Variants in NRIP1 observed in about 807,000 individuals in gnomAD.
NRIP1 encodes the protein nuclear receptor-interacting protein 1.
NRIP1 carries 28 observed loss-of-function variants against 75.0 expected under a neutral mutation model. The observed-to-expected ratio is 0.37, with a 90% CI of 0.28 to 0.51. NRIP1 has a LOEUF of 0.51. Among genes scored for constraint, NRIP1 ranks in the 20% least tolerant of loss-of-function variants. NRIP1 has a pLI of 0.92. For missense variants in NRIP1, 1,435 were observed against 1,343.7 expected, an observed-to-expected ratio of 1.07 and a Z score of -1.06; for synonymous variants, 526 against 487.6, an observed-to-expected ratio of 1.08 and a Z score of -1.04.
chr21:15,007,952 A>C (rs558117515), intron 3 of NRIP1, among the ~76,000 whole-genome samples: 1 of 152,324 alleles, frequency 6.6e-6, no homozygotes, highest in Admixed American at 6.5e-5. Flanking sequence ...AACAGTATGA[A>C]GCTGTCAGTA....
intron 3 of NRIP1, among the ~76,000 whole-genome samples, chr21:14,994,226 G>A (rs1306008871): frequency 6.6e-6 from 1 of 152,170 alleles, no homozygotes; most frequent in Admixed American, 6.5e-5. Context: ...CCGAGTTCAA[G>A]TGATTCTCAT....
chr21:15,044,511 C>T (rs1037938950), intron 1 of NRIP1, among the ~76,000 whole-genome samples: 7 of 151,876 alleles, frequency 4.6e-5, no homozygotes, highest in East Asian at 1.9e-4. Flanking sequence ...AGGTACCATG[C>T]GAACTCCCTG....
intron 3 of NRIP1, among the ~76,000 whole-genome samples, chr21:14,977,092 T>A (rs1196735231): frequency 6.6e-6 from 1 of 152,236 alleles, no homozygotes; most frequent in African/African-American, 2.4e-5. Context: ...TACTTAATTA[T>A]GTCATTCAAG....
At position 14,966,490 on chromosome 21, in the gene NRIP1, A is replaced by G. The variant is rs1386045277; in HGVS notation, c.1703T>C (p.Leu568Pro). 6.2e-7 allele frequency: 1 copy of G among 1,613,844 alleles called. No homozygotes were observed. Among genetic ancestry groups the G allele is most frequent in the African/African-American group, 1.3e-5 (1 of 74,854 alleles). Reference protein sequence around the residue: ...TSSKAGSPINLSQHSLVIKWN... With the variant: ...TSSKAGSPINPSQHSLVIKWN... Reference sequence around the variant, plus strand: ...TTTGATGACCAGAGAGTGTTGAGAGAGATTGATGGGAGACCCTGCTTTGCT... The same window carrying G: ...TTTGATGACCAGAGAGTGTTGAGAGGGATTGATGGGAGACCCTGCTTTGCT... The change falls in exon 4 of 4, where the codon CTC (leucine) becomes CCC (proline). Residue 568 changes from leucine (L) to proline (P), a missense_variant. Leu to Pro is a moderately conservative substitution (Grantham distance 98, BLOSUM62 -3). Transcript: ENST00000318948.
chr21:14,990,021 G>A (rs867974681), intron 3 of NRIP1, among the ~76,000 whole-genome samples: 1 of 151,988 alleles, frequency 6.6e-6, no homozygotes, highest in Admixed American at 6.6e-5. Context: ...CTCCTACTTT[G>A]TAAATTTGTA....
intron 3 of NRIP1, among the ~76,000 whole-genome samples, chr21:14,972,251 A>G (rs935671928): frequency 6.6e-6 from 1 of 152,194 alleles, no homozygotes; most frequent in African/African-American, 2.4e-5. Context: ...CTTAAACTAG[A>G]GAGGGAGAAA....
chr21:15,022,949 C>T (rs551960927), intron 2 of NRIP1, among the ~76,000 whole-genome samples: 57 of 152,266 alleles, frequency 3.7e-4, no homozygotes, highest in Non-Finnish European at 6.9e-4. Context: ...AACTTTATTA[C>T]GCTCAGTGAA....
chr21:15,038,656 G>GA (rs931886895), intron 2 of NRIP1, among the ~76,000 whole-genome samples: 1 of 151,830 alleles, frequency 6.6e-6, no homozygotes, highest in Admixed American at 6.6e-5. Flanking sequence ...TCAGTTTGAT[G>GA]AAAAAAACTA....
At chr21:15,031,241 T>C (rs1220084990) in intron 2 of NRIP1, among the ~76,000 whole-genome samples, 3 of 140,690 alleles carry the variant, frequency 2.1e-5, no homozygotes, top group African/African-American at 7.9e-5. Flanking sequence ...TGGAAGGTGG[T>C]TGGAGGTTCA....
chr21:14,980,261 GGGA>G (rs1296990638), intron 3 of NRIP1, among the ~76,000 whole-genome samples: 2 of 151,898 alleles, frequency 1.3e-5, no homozygotes, highest in African/African-American at 2.4e-5. Context: ...AGGCTGAGGC[GGGA>G]GGAGTTCAAG....
chr21:15,031,598 A>T (rs1223589353), intron 2 of NRIP1, among the ~76,000 whole-genome samples: 13 of 105,006 alleles, frequency 1.2e-4, no homozygotes, highest in African/African-American at 2.8e-4. Flanking sequence ...CGCTCGGAGG[A>T]TCACCACATT....
intron 2 of NRIP1, among the ~76,000 whole-genome samples, chr21:15,021,130 A>G (rs1043362373): frequency 6.6e-6 from 1 of 152,196 alleles, no homozygotes; most frequent in African/African-American, 2.4e-5. Context: ...ATCAGCATCA[A>G]TCATAATAAC....
intron 3 of NRIP1, among the ~76,000 whole-genome samples, chr21:14,977,719 AT>A (rs1399894068): frequency 6.6e-6 from 1 of 152,268 alleles, no homozygotes; most frequent in African/African-American, 2.4e-5. Flanking sequence ...CTTGAAAAAA[AT>A]GAATCAAAAT....
chr21:14,997,572 T>C (rs1465965028), intron 3 of NRIP1, among the ~76,000 whole-genome samples: 1 of 151,912 alleles, frequency 6.6e-6, no homozygotes, highest in African/African-American at 2.4e-5. Context: ...AGTCAAGTCG[T>C]CTGTTATTAA....
chr21:15,016,508 T>A (rs1237287783), intron 2 of NRIP1, among the ~76,000 whole-genome samples: 1 of 152,154 alleles, frequency 6.6e-6, no homozygotes, highest in Non-Finnish European at 1.5e-5. Flanking sequence ...AACTGTTCAG[T>A]TTTCAATTAC....
intron 2 of NRIP1, among the ~76,000 whole-genome samples, chr21:15,035,236 A>G (rs2088805463): frequency 6.6e-6 from 1 of 152,228 alleles, no homozygotes; most frequent in African/African-American, 2.4e-5. Context: ...TTTTAAAAAA[A>G]TAACAATTAC....
intron 3 of NRIP1, among the ~76,000 whole-genome samples, chr21:14,988,614 T>G (rs1027683413): frequency 2.0e-5 from 3 of 152,076 alleles, no homozygotes; most frequent in African/African-American, 7.2e-5. Context: ...ACTCATAATT[T>G]TGTGTGACAG....
chr21:15,055,937 T>TA (rs1252839911), intron 1 of NRIP1, among the ~76,000 whole-genome samples: 13 of 149,040 alleles, frequency 8.7e-5, no homozygotes, highest in Admixed American at 2.0e-4. Flanking sequence ...CCCTGGCAAT[T>TA]AAAAAAAAAG....
chr21:14,990,106 G>A (rs1036293530), intron 3 of NRIP1, among the ~76,000 whole-genome samples: 3 of 152,072 alleles, frequency 2.0e-5, no homozygotes, highest in African/African-American at 2.4e-5. Flanking sequence ...ATGTGCATCC[G>A]TCAAGTGGGT....
Sources: gnomAD v4.1 joint callset for allele counts (sites outside exome capture counted in the v4.1 genomes callset) on GRCh38, gnomAD v4.1.1 for gene constraint, MANE v1.5 for transcripts, NCBI Gene and HGNC (gene_info 2026-07-23, HGNC 2026-07-21) for gene names.